The following GRIN2B variants were observed in gnomAD, a reference collection of about 807,000 sequenced individuals.
The protein encoded by GRIN2B is glutamate receptor ionotropic, NMDA 2B.
In GRIN2B, 5 loss-of-function variants were observed where a neutral mutation model predicts 114.5. That is an observed-to-expected ratio of 0.04 (90% confidence interval 0.02 to 0.09). The LOEUF is 0.09. GRIN2B is among the 10% of genes least tolerant of loss of function. The pLI is 1.00. For missense variants in GRIN2B, 1,108 were observed against 1,943.5 expected, an observed-to-expected ratio of 0.57 and a Z score of 8.08; for synonymous variants, 787 against 745.1, an observed-to-expected ratio of 1.06 and a Z score of -0.92.
chr12:13,753,942 G>T lies in GRIN2B; in HGVS notation c.412-27C>A, dbSNP rs768747485. 6.7e-7 allele frequency: 1 copy of T among 1,482,650 alleles called. No individual in the cohort carries two copies. The highest frequency in any genetic ancestry group is 9.4e-7 in the Non-Finnish European group (1 of 1,061,358). 91.8% of individuals were successfully genotyped at this position (1,482,650 alleles called of 1,614,324 possible). A position where few individuals can be genotyped will look rare whatever the true frequency, so the allele number is the denominator to read the frequency against. ...TAGAAAAAGAACAGGACAAAAAAAG[G>T]AAGAGAGAAAAAAATCAAACCAAAG... On this transcript the variant is annotated intron_variant, in intron 3 of 13. Coordinates refer to ENST00000609686, the MANE Select transcript of GRIN2B (RefSeq NM_000834.5). This position sits in a 1 kb window ranked among gnomAD's most constrained non-coding sequence, Gnocchi z 6.2.
chr12:13,831,969 T>C (rs890586569), intron 3 of GRIN2B, among the ~76,000 whole-genome samples: 3 of 152,200 alleles, frequency 2.0e-5, no homozygotes, highest in African/African-American at 7.2e-5. Context: ...CAGGCTTCCA[T>C]ATATAGATGG....
intron 10 of GRIN2B, among the ~76,000 whole-genome samples, chr12:13,599,156 A>C (rs1312782331): frequency 6.6e-6 from 1 of 152,192 alleles, no homozygotes. Flanking sequence ...TCAGAGTGTC[A>C]GCCACTTGGT....
At position 13,669,896 on chromosome 12, in the gene GRIN2B, C is replaced by T. The variant is rs76497675; in HGVS notation, c.1125+5849G>A. ...GTCCTTAGGGGCTAGGATCACAGAG[C>T]CCCCACACCCTGGAGTTGGTGCTAC... On this transcript the variant is annotated intron_variant, in intron 5 of 13. Transcript: ENST00000609686. Among the ~76,000 whole-genome samples the T allele has an allele frequency of 2.6e-3, 400 of 152,196 alleles. 5 individuals carry two copies. The highest frequency in any genetic ancestry group is 9.2e-3 in the African/African-American group (384 of 41,546).
intron 4 of GRIN2B, among the ~76,000 whole-genome samples, chr12:13,738,631 C>G (rs182206572): frequency 5.3e-5 from 8 of 152,154 alleles, no homozygotes; most frequent in Admixed American, 5.2e-4. Context: ...AATTTTCAGA[C>G]TAGTCAGGAA....
chr12:13,762,952 T>C (rs1170104387), intron 3 of GRIN2B, among the ~76,000 whole-genome samples: 1 of 152,120 alleles, frequency 6.6e-6, no homozygotes, highest in Admixed American at 6.5e-5. Context: ...GGTCTCTAGA[T>C]TGGAAAACTG....
intron 2 of GRIN2B, among the ~76,000 whole-genome samples, chr12:13,963,342 T>C (rs536367337): frequency 1.3e-5 from 2 of 152,230 alleles, no homozygotes; most frequent in Admixed American, 6.5e-5. Context: ...TCAGCAGAAA[T>C]GAACGCACCC....
At chr12:13,680,436 T>TTTTGTGTGTGTGTGTG (rs1950118345) in intron 4 of GRIN2B, among the ~76,000 whole-genome samples, 1 of 123,480 alleles carries the variant, frequency 8.1e-6, no homozygotes, top group Non-Finnish European at 1.8e-5. Flanking sequence ...CCCATCAAGG[T>TTTTGTGTGTGTGTGTG]TGTGTGTGTG....
intron 2 of GRIN2B, among the ~76,000 whole-genome samples, chr12:13,896,745 A>T (rs1866362859): frequency 6.6e-6 from 1 of 152,134 alleles, no homozygotes; most frequent in Admixed American, 6.5e-5. Context: ...GAAGAATATT[A>T]TTGTTTTATG....
intron 4 of GRIN2B, among the ~76,000 whole-genome samples, chr12:13,750,701 G>T (rs1404025112): frequency 6.6e-6 from 1 of 152,202 alleles, no homozygotes; most frequent in African/African-American, 2.4e-5. Context: ...TTATTATCTT[G>T]CAAGAACAGA....
At chr12:13,808,755 ATAT>A (rs1565545476) in intron 3 of GRIN2B, among the ~76,000 whole-genome samples, 12 of 52,586 alleles carry the variant, frequency 2.3e-4, no homozygotes, top group Admixed American at 3.6e-4. Flanking sequence ...AAAAAAAAAT[ATAT>A]ATATATATAT....
chr12:13,824,067 T>TATTC (rs1864986860), intron 3 of GRIN2B, among the ~76,000 whole-genome samples: 1 of 152,204 alleles, frequency 6.6e-6, no homozygotes, highest in Non-Finnish European at 1.5e-5. Context: ...TTTGCTCCTA[T>TATTC]ATTCATGAGA....
intron 2 of GRIN2B, among the ~76,000 whole-genome samples, chr12:13,927,777 GA>G (rs1225389969): frequency 3.3e-4 from 49 of 149,246 alleles, no homozygotes; most frequent in Middle Eastern, 3.5e-3. Context: ...TACATAATGA[GA>G]CCCCCATCTC....
At chr12:13,975,169 G>C (rs887260000) in intron 2 of GRIN2B, among the ~76,000 whole-genome samples, 1 of 152,170 alleles carries the variant, frequency 6.6e-6, no homozygotes, top group Non-Finnish European at 1.5e-5. Context: ...CTGGTGCCAA[G>C]GCCACTAACC....
chr12:13,956,585 C>G (rs968314086), intron 2 of GRIN2B, among the ~76,000 whole-genome samples: 1 of 152,112 alleles, frequency 6.6e-6, no homozygotes. Flanking sequence ...CTGTTCGTTC[C>G]GTATGGACTC....
intron 12 of GRIN2B, 101 bp downstream of exon 12, chr12:13,569,729 G>A (rs564938966): frequency 1.8e-5 from 14 of 784,174 alleles, no homozygotes; most frequent in Middle Eastern, 3.9e-4. Flanking sequence ...ATGCTTTTCC[G>A]GAAATGCACA....
At chr12:13,657,237 T>C (rs1162970622) in intron 5 of GRIN2B, among the ~76,000 whole-genome samples, 1 of 152,172 alleles carries the variant, frequency 6.6e-6, no homozygotes, top group African/African-American at 2.4e-5. Context: ...TTGGAGCACG[T>C]GGTTACTGAA....
chr12:13,845,386 C>G (rs1865452955), intron 3 of GRIN2B, among the ~76,000 whole-genome samples: 1 of 152,192 alleles, frequency 6.6e-6, no homozygotes, highest in Non-Finnish European at 1.5e-5. Flanking sequence ...TATCCTCCCT[C>G]CCTACCCTAG....
intron 2 of GRIN2B, among the ~76,000 whole-genome samples, chr12:13,975,180 A>G (rs1438444591): frequency 6.6e-6 from 1 of 152,246 alleles, no homozygotes; most frequent in African/African-American, 2.4e-5. Flanking sequence ...GCCACTAACC[A>G]TGGTCTGTAA....
chr12:13,863,664 T>C (rs1865782418), intron 3 of GRIN2B, among the ~76,000 whole-genome samples: 1 of 152,162 alleles, frequency 6.6e-6, no homozygotes, highest in Admixed American at 6.5e-5. Flanking sequence ...GCCCCTAAGA[T>C]ACATCAGCGA....
Sources: gnomAD v4.1 joint callset for allele counts (sites outside exome capture counted in the v4.1 genomes callset) on GRCh38, gnomAD v4.1.1 for gene constraint, Gnocchi (gnomAD v3.1) non-coding constraint, MANE v1.5 for transcripts, NCBI Gene and HGNC (gene_info 2026-07-23, HGNC 2026-07-21) for gene names.